The following CYP46A1 variants were observed in gnomAD, a reference collection of about 807,000 sequenced individuals.
CYP46A1 encodes the protein cytochrome P450 family 46 subfamily A member 1.
CYP46A1 carries 20 observed loss-of-function variants against 63.3 expected under a neutral mutation model. The observed-to-expected ratio is 0.32, with a 90% CI of 0.22 to 0.46. CYP46A1 has a LOEUF of 0.46. Ranked by LOEUF, CYP46A1 falls within the 20% of genes least tolerant of loss-of-function variation. CYP46A1 has a pLI of 1.00. For missense variants in CYP46A1, 445 were observed against 670.8 expected (o/e 0.66, Z 3.72); for synonymous variants, 268 against 273.6 (o/e 0.98, Z 0.20).
At chr14:99,716,026 T>C (rs965611305) in intron 8 of CYP46A1, 66 bp downstream of exon 8, 15 of 1,605,530 alleles carry the variant, frequency 9.3e-6, no homozygotes, top group Non-Finnish European at 1.3e-5. Context: ...AGGTGATACA[T>C]CGCCACTGAC....
At chr14:99,699,278 A>T (rs1351305367) in intron 3 of CYP46A1, among the ~76,000 whole-genome samples, 188 bp from the exon 4 acceptor site, 1 of 151,962 alleles carries the variant, frequency 6.6e-6, no homozygotes, top group Non-Finnish European at 1.5e-5. Flanking sequence ...TCTGTGCTGC[A>T]TTTTCCCCAT....
chr14:99,690,832 C>G (rs1164735996), intron 1 of CYP46A1, among the ~76,000 whole-genome samples: 1 of 152,088 alleles, frequency 6.6e-6, no homozygotes, highest in Admixed American at 6.6e-5. Flanking sequence ...TCTGCCAGCC[C>G]CCAACTTCTG....
intron 10 of CYP46A1, among the ~76,000 whole-genome samples, 164 bp from the exon 11 acceptor site, chr14:99,721,075 G>T (rs557574566): frequency 6.6e-6 from 1 of 152,304 alleles, no homozygotes; most frequent in Non-Finnish European, 1.5e-5. Context: ...GGGCGACAGA[G>T]CAAGACTTTG....
intron 3 of CYP46A1, among the ~76,000 whole-genome samples, chr14:99,696,281 T>C (rs1192144909): frequency 6.6e-6 from 1 of 152,166 alleles, no homozygotes; most frequent in Non-Finnish European, 1.5e-5. Flanking sequence ...GATTGATTGA[T>C]TGATCGATTG....
chr14:99,721,107 G>A, intron 10 of CYP46A1, 132 bp from the exon 11 acceptor site: 1 of 685,340 alleles, frequency 1.5e-6, no homozygotes, highest in East Asian at 2.7e-5. Context: ...AAAGCTACAA[G>A]TAACAGTGTT....
At chr14:99,690,985 T>C (rs1223453446) in intron 1 of CYP46A1, 96 bp from the exon 2 acceptor site, 8 of 1,189,448 alleles carry the variant, frequency 6.7e-6, no homozygotes, top group Non-Finnish European at 1.0e-5. Context: ...TCGGTCCTCC[T>C]GTCTGTGAAG....
At chr14:99,699,849 G>A (rs969425379) in intron 4 of CYP46A1, among the ~76,000 whole-genome samples, 166 bp from the exon 5 acceptor site, 6 of 152,122 alleles carry the variant, frequency 3.9e-5, no homozygotes, top group African/African-American at 1.4e-4. Context: ...CCCCACCTTA[G>A]AGGGTACAGT....
chr14:99,708,046 T>G (rs781492793), intron 7 of CYP46A1: 1 of 276,508 alleles, frequency 3.6e-6, no homozygotes, highest in Non-Finnish European at 7.0e-6. Flanking sequence ...GCACCCTGCC[T>G]GCCACTGCCC....
At chr14:99,720,561 T>C (rs1234226431) in intron 10 of CYP46A1, among the ~76,000 whole-genome samples, 1 of 150,980 alleles carries the variant, frequency 6.6e-6, no homozygotes, top group East Asian at 2.0e-4. Context: ...CAGATTCATG[T>C]GATTCTCATG....
Position 99,700,000 on chromosome 14 carries a change from G to A in CYP46A1, c.357-15G>A, listed in dbSNP as rs116375523. 2.3e-3 allele frequency: 3,457 copies of A among 1,510,282 alleles called. 59 individuals are homozygous for A. The African/African-American group carries it at 0.047, about 21-fold the overall frequency. The allele number at this position is 1,510,282 out of a possible 1,614,324, so 93.6% of individuals were successfully genotyped here. A position where few individuals can be genotyped will look rare whatever the true frequency, so the allele number is the denominator to read the frequency against. On this transcript the variant is annotated splice_polypyrimidine_tract_variant and intron_variant, in intron 4 of 14. Coordinates refer to ENST00000261835, the MANE Select transcript of CYP46A1 (RefSeq NM_006668.2). ...CCCCACCCTCTTTCCCGCATCACGT[G>A]TGTGTCTCCTACAGACTCTTCGGCC...
chr14:99,722,089 C>T lies in CYP46A1; in HGVS notation c.1176+23C>T. On this transcript the variant is annotated intron_variant, in intron 12 of 14. Transcript: ENST00000261835. This position sits in a 1 kb window ranked among gnomAD's most constrained non-coding sequence, Gnocchi z 4.6. ...TTGGTGGGTGGAGGCCCTGGGGGTC[C>T]TGGGGTGGGCTGGGCTGCTTGCCCC... 1 of 1,572,792 alleles carries T rather than the reference C, an allele frequency of 6.4e-7. No individual in the cohort carries two copies. The highest frequency in any genetic ancestry group is 8.7e-7 in the Non-Finnish European group (1 of 1,148,252).
intron 3 of CYP46A1, among the ~76,000 whole-genome samples, chr14:99,697,906 G>T (rs140938231): frequency 1.3e-3 from 198 of 152,134 alleles, no homozygotes; most frequent in African/African-American, 4.6e-3. Flanking sequence ...ATCTAAGAAT[G>T]GCTCACTTAG....
rs751628935 is a variant in CYP46A1, at chr14:99,726,703, C to T, written c.1479C>T (p.Pro493=). ...LCTLRPRGWQ[P]APPPPPC ...CCCTGCGGCCCCGCGGCTGGCAGCCCGCACCCCCACCACCCCCCTGCTGAG... is the reference window on the plus strand; with the variant it reads ...CCCTGCGGCCCCGCGGCTGGCAGCCTGCACCCCCACCACCCCCCTGCTGAG... The change falls in exon 15 of 15, where the codon CCC becomes CCT. Residue 493 remains proline, a synonymous_variant. Coordinates refer to ENST00000261835, the MANE Select transcript of CYP46A1 (RefSeq NM_006668.2). The T allele has an allele frequency of 5.1e-5, 79 of 1,539,532 alleles. No individual in the cohort carries two copies. Among genetic ancestry groups the T allele is most frequent in the African/African-American group, 4.4e-4 (32 of 72,822 alleles).
At chr14:99,726,060 A>C in intron 13 of CYP46A1, 130 bp from the exon 14 acceptor site, 1 of 781,240 alleles carries the variant, frequency 1.3e-6, no homozygotes, top group Admixed American at 2.0e-5. Flanking sequence ...CATGCTTTGC[A>C]TGCAAAGTGC....
intron 12 of CYP46A1, among the ~76,000 whole-genome samples, chr14:99,724,591 C>G (rs1425868441): frequency 1.3e-5 from 2 of 152,186 alleles, no homozygotes; most frequent in African/African-American, 2.4e-5. Context: ...TGGGTCATCT[C>G]CATCAGGCCT....
chr14:99,719,588 G>A (rs927533455), intron 10 of CYP46A1, among the ~76,000 whole-genome samples: 2 of 151,572 alleles, frequency 1.3e-5, no homozygotes, highest in African/African-American at 4.9e-5. Context: ...CCCATCCCTG[G>A]TAACCACCAT....
rs1310549160 is a variant in CYP46A1, at chr14:99,726,689, C to T, written c.1465C>T (p.Arg489Cys). Residue 489 changes from arginine (R) to cysteine (C), a missense_variant, in exon 15 of 15, where the codon CGC becomes TGC. By Grantham distance (180) the Arg-to-Cys change is radical. Transcript: ENST00000261835. ...CCCCGTGCTGTGCACCCTGCGGCCC[C>T]GCGGCTGGCAGCCCGCACCCCCACC... The part of the protein sequence containing the change: ...LDPVLCTLRP[R>C]GWQPAPPPPP... The T allele has an allele frequency of 1.3e-6, 2 of 1,546,894 alleles. No homozygotes were observed. The highest frequency in any genetic ancestry group is 1.7e-6 in the Non-Finnish European group (2 of 1,145,254).
At chr14:99,685,286 G>C (rs1440515709) in intron 1 of CYP46A1, among the ~76,000 whole-genome samples, 1 of 135,698 alleles carries the variant, frequency 7.4e-6, no homozygotes, top group African/African-American at 2.8e-5. Context: ...ACTGCCCCCA[G>C]CCTTTCTTCT....
At chr14:99,711,823 A>G (rs2056734974) in intron 7 of CYP46A1, 1 of 152,190 alleles carries the variant, frequency 6.6e-6, no homozygotes, top group African/African-American at 2.4e-5. Context: ...CAAGGACACA[A>G]TAAAAAAAGA....
Sources: gnomAD v4.1 joint callset for allele counts (sites outside exome capture counted in the v4.1 genomes callset) on GRCh38, gnomAD v4.1.1 for gene constraint, Gnocchi (gnomAD v3.1) non-coding constraint, MANE v1.5 for transcripts, NCBI Gene and HGNC (gene_info 2026-07-23, HGNC 2026-07-21) for gene names.